Variants in TMTC1 observed in about 807,000 individuals in gnomAD.
TMTC1 encodes the protein protein O-mannosyl-transferase TMTC1.
In TMTC1, 73 loss-of-function variants were observed where a neutral mutation model predicts 104.8. The ratio of observed to expected loss-of-function variants is 0.70; its 90% CI spans 0.58 to 0.85. The LOEUF (loss-of-function observed/expected upper bound fraction) is 0.85. TMTC1 is among the 40% of genes least tolerant of loss of function. The pLI is 0.00. For synonymous variants in TMTC1, 434 were observed against 428.7 expected (o/e 1.01, Z -0.15); for missense variants, 1,035 against 1,096.1 (o/e 0.94, Z 0.79).
At chr12:29,670,724 T>C (rs1164072306) in intron 5 of TMTC1, among the ~76,000 whole-genome samples, 1 of 150,700 alleles carries the variant, frequency 6.6e-6, no homozygotes, top group Non-Finnish European at 1.5e-5. Flanking sequence ...AGCTTAGGAG[T>C]TCCAGACCAG....
chr12:29,740,492 T>C (rs898314530), intron 5 of TMTC1, among the ~76,000 whole-genome samples: 3 of 152,188 alleles, frequency 2.0e-5, no homozygotes, highest in African/African-American at 7.2e-5. Context: ...CTCCAAGCTC[T>C]TCAGTCTGGG....
chr12:29,651,754 T>C (rs1218106880), intron 5 of TMTC1, among the ~76,000 whole-genome samples: 1 of 152,200 alleles, frequency 6.6e-6, no homozygotes, highest in Non-Finnish European at 1.5e-5. Context: ...GTGTGTGAGA[T>C]TTTAGAGATA....
Position 29,783,866 on chromosome 12 carries a change from C to T in TMTC1, c.-115G>A. 1.0e-6 allele frequency: 1 copy of T among 1,000,328 alleles called. No individual in the cohort carries two copies. The highest frequency in any genetic ancestry group is 1.2e-6 in the Non-Finnish European group (1 of 827,442). The allele number at this position is 1,000,328 out of a possible 1,614,324, so 62.0% of individuals were successfully genotyped here. On this transcript the variant is annotated 5_prime_UTR_variant, in exon 1 of 18. Coordinates refer to ENST00000539277, the MANE Select transcript of TMTC1 (RefSeq NM_001193451.2). The surrounding 1 kb of genome is among the most constrained non-coding windows in gnomAD (Gnocchi z 4.7). Reference sequence around the variant, plus strand: ...GGAGGGGGGCTCGGGCATGGTGCTGCGGCAGCTGGACCCGCCGCGAGCTCC... The same window carrying T: ...GGAGGGGGGCTCGGGCATGGTGCTGTGGCAGCTGGACCCGCCGCGAGCTCC...
intron 7 of TMTC1, among the ~76,000 whole-genome samples, chr12:29,589,591 C>G (rs570761606): frequency 1.3e-5 from 2 of 152,312 alleles, no homozygotes; most frequent in South Asian, 4.1e-4. Context: ...TCATTTTCTG[C>G]CTCCTTGTAG....
intron 5 of TMTC1, among the ~76,000 whole-genome samples, chr12:29,744,803 T>A (rs2136953433): frequency 6.6e-6 from 1 of 152,344 alleles, no homozygotes; most frequent in African/African-American, 2.4e-5. Context: ...CTTGAGTAAG[T>A]AACCCACCAA....
chr12:29,755,369 T>C (rs1943189476), intron 4 of TMTC1, among the ~76,000 whole-genome samples: 1 of 152,184 alleles, frequency 6.6e-6, no homozygotes, highest in South Asian at 2.1e-4. Flanking sequence ...ACTGTTACCA[T>C]TTGCAATCAC....
chr12:29,627,315 C>T (rs918701261), intron 6 of TMTC1, among the ~76,000 whole-genome samples: 3 of 152,056 alleles, frequency 2.0e-5, no homozygotes, highest in Admixed American at 6.6e-5. Context: ...AGACATTTCT[C>T]CAGAGAAGAT....
chr12:29,664,142 C>A (rs367790916), intron 5 of TMTC1, among the ~76,000 whole-genome samples: 6 of 150,462 alleles, frequency 4.0e-5, no homozygotes, highest in East Asian at 2.0e-4. Context: ...AGCCGAGATC[C>A]CGCCACTGCA....
At chr12:29,710,984 T>TAA (rs1446660837) in intron 5 of TMTC1, among the ~76,000 whole-genome samples, 5 of 55,458 alleles carry the variant, frequency 9.0e-5, no homozygotes, top group African/African-American at 2.2e-4. Context: ...TAAATATATA[T>TAA]ATATTTTTTC....
chr12:29,527,611 A>G lies in TMTC1; in HGVS notation c.1786-6891T>C, dbSNP rs147322340. On this transcript the variant is annotated intron_variant, in intron 11 of 17. Transcript: ENST00000539277. The stretch of plus-strand genomic sequence containing the variant: ...GATCTGAAAAACATCTTTATAACCA[A>G]GCTAGTTAAGTTAGAAGGTGTTTTT... Among the ~76,000 whole-genome samples, 496 of 152,344 alleles carry G rather than the reference A, an allele frequency of 3.3e-3. 6 individuals are homozygous for G. Among genetic ancestry groups the G allele is most frequent in the African/African-American group, 0.011 (470 of 41,590 alleles).
At chr12:29,711,842 A>G (rs1449455012) in intron 5 of TMTC1, among the ~76,000 whole-genome samples, 2 of 151,820 alleles carry the variant, frequency 1.3e-5, no homozygotes, top group Admixed American at 6.6e-5. Context: ...CGTCTCTACT[A>G]AAAATACAAA....
At chr12:29,712,541 A>G (rs1456324093) in intron 5 of TMTC1, among the ~76,000 whole-genome samples, 1 of 152,222 alleles carries the variant, frequency 6.6e-6, no homozygotes, top group Non-Finnish European at 1.5e-5. Context: ...TTAAAAATCT[A>G]TATTTCTTAA....
At chr12:29,724,476 A>T (rs767098644) in intron 5 of TMTC1, among the ~76,000 whole-genome samples, 1 of 152,218 alleles carries the variant, frequency 6.6e-6, no homozygotes, top group African/African-American at 2.4e-5. Flanking sequence ...ATTGACAGGA[A>T]AAAAGTAAAA....
chr12:29,661,031 T>G (rs1224011397), intron 5 of TMTC1: 3 of 378,282 alleles, frequency 7.9e-6, no homozygotes, highest in Admixed American at 9.5e-5. Context: ...CACCTGGGTT[T>G]CCGTTCCCAG....
chr12:29,763,962 T>A (rs1943408206), intron 2 of TMTC1, among the ~76,000 whole-genome samples: 1 of 152,234 alleles, frequency 6.6e-6, no homozygotes, highest in African/African-American at 2.4e-5. Flanking sequence ...AACATTAAAC[T>A]GGAGCCAGTT....
chr12:29,659,737 G>C, intron 5 of TMTC1: 1 of 610,166 alleles, frequency 1.6e-6, no homozygotes, highest in South Asian at 2.5e-5. Flanking sequence ...TTATTTATTG[G>C]AAACAATTTC....
intron 5 of TMTC1, among the ~76,000 whole-genome samples, chr12:29,647,115 C>T (rs752592077): frequency 1.1e-4 from 17 of 152,120 alleles, no homozygotes; most frequent in East Asian, 1.9e-4. Flanking sequence ...ATCTGCCTCC[C>T]GGGTTCAAGC....
At chr12:29,583,384 T>A (rs780295171) in intron 8 of TMTC1, 23 bp downstream of exon 8, 1 of 1,597,966 alleles carries the variant, frequency 6.3e-7, no homozygotes, top group Non-Finnish European at 8.5e-7. Flanking sequence ...GGAAGATATT[T>A]ATTTTTATCT....
rs1490372226 is a variant in TMTC1 at position 29,607,658 on chromosome 12, TAGAAAGAAACGTG to T, written c.1129-3372_1129-3360del. On this transcript the variant is annotated intron_variant, in intron 6 of 17. Transcript: ENST00000539277. ...CAGTGACTAAAGGGTCCCTTATGCA[TAGAAAGAAACGTG>T]AGTGAGTGTTCAGGGTCCACATCCA... is the stretch of plus-strand genomic sequence containing the variant. Among the ~76,000 whole-genome samples the T allele has an allele frequency of 4.6e-5, 7 of 152,176 alleles. No individual in the cohort carries two copies. In the East Asian group the frequency reaches 1.3e-3, roughly 29 times the overall value.
Sources: allele counts gnomAD v4.1 joint callset (sites outside exome capture counted in the v4.1 genomes callset), GRCh38; gene constraint gnomAD v4.1.1; non-coding constraint Gnocchi (gnomAD v3.1); transcripts MANE v1.5; gene names NCBI Gene and HGNC (gene_info 2026-07-23, HGNC 2026-07-21).